ZHX3: variants seen among roughly 807,000 people sequenced by gnomAD.
ZHX3 encodes zinc fingers and homeoboxes 3.
A neutral mutation model predicts 64.5 loss-of-function variants in ZHX3; 20 were observed. The ratio of observed to expected loss-of-function variants is 0.31; its 90% CI spans 0.22 to 0.45. ZHX3 has a LOEUF of 0.45. ZHX3 is among the 20% of genes least tolerant of loss of function. The probability of loss-of-function intolerance (pLI) is 1.00; values close to 1 mark genes in which losing one functional copy is unlikely to be tolerated. For missense variants in ZHX3, 1,041 were observed against 1,195.8 expected, an observed-to-expected ratio of 0.87 and a Z score of 1.91; for synonymous variants, 423 against 461.6, an observed-to-expected ratio of 0.92 and a Z score of 1.07.
At chr20:41,237,569 C>A (rs2041095173) in intron 2 of ZHX3, among the ~76,000 whole-genome samples, 1 of 152,120 alleles carries the variant, frequency 6.6e-6, no homozygotes, top group Admixed American at 6.5e-5. Context: ...ACAATGAGAA[C>A]ACACAGACAC....
At chr20:41,188,644 A>T in intron 3 of ZHX3, 1 of 152,138 alleles carries the variant, frequency 6.6e-6, no homozygotes. Context: ...CAAGTGATCC[A>T]CCTACCTCGG....
At position 41,204,336 on chromosome 20, in the gene ZHX3, G is replaced by A; in HGVS notation, c.581C>T (p.Ala194Val). The A allele has an allele frequency of 6.2e-7, 1 of 1,614,198 alleles. No individual in the cohort carries two copies. Among genetic ancestry groups the A allele is most frequent in the South Asian group, 1.1e-5 (1 of 91,084 alleles). Reference protein sequence around the residue: ...TPIMKIMKGKAEAKKIHTLKE... With the variant: ...TPIMKIMKGKVEAKKIHTLKE... ...GAGTGTATGAATTTTTTTGGCTTCA[G>A]CTTTGCCTTTCATTATCTTCATGAT... The change falls in exon 3 of 4, where the codon GCT becomes GTT. Residue 194 changes from alanine (A) to valine (V), a missense_variant. This residue lies in a region of ZHX3 where 358 missense variants were observed against 369.1 expected (regional missense o/e 0.97). Transcript: ENST00000683867. This position sits in a 1 kb window ranked among gnomAD's most constrained non-coding sequence, Gnocchi z 6.6.
At chr20:41,199,854 A>C (rs184985278) in intron 3 of ZHX3, among the ~76,000 whole-genome samples, 75 of 152,118 alleles carry the variant, frequency 4.9e-4, no homozygotes, top group East Asian at 4.8e-3. Context: ...GCACTCACCA[A>C]CATGCCTGGC....
chr20:41,201,264 ACTC>A lies in ZHX3; in HGVS notation c.2860+790_2860+792del, dbSNP rs2038195163. On this transcript the variant is annotated intron_variant, in intron 3 of 3. Transcript: ENST00000683867. This position sits in a 1 kb window ranked among gnomAD's most constrained non-coding sequence, Gnocchi z 5.0. Reference sequence around the variant, plus strand: ...CCCCAATCCCTTCAGCTTCTACAATACTCCGCCCTCCTGGCTCTCACCTGAGCT... The same window carrying A: ...CCCCAATCCCTTCAGCTTCTACAATACGCCCTCCTGGCTCTCACCTGAGCT... 1 of 1,289,076 alleles carries A rather than the reference ACTC, an allele frequency of 7.8e-7. No homozygotes were observed. The highest frequency in any genetic ancestry group is 1.0e-6 in the Non-Finnish European group (1 of 983,104). 79.9% of individuals were successfully genotyped at this position (1,289,076 alleles called of 1,614,324 possible). A position where few individuals can be genotyped will look rare whatever the true frequency, so the allele number is the denominator to read the frequency against.
At chr20:41,225,857 C>T (rs1001698332) in intron 2 of ZHX3, among the ~76,000 whole-genome samples, 2 of 152,130 alleles carry the variant, frequency 1.3e-5, no homozygotes, top group Non-Finnish European at 2.9e-5. Context: ...CAACAGATGC[C>T]CAGAACTTTT....
At chr20:41,266,905 T>C (rs1261678538) in intron 2 of ZHX3, among the ~76,000 whole-genome samples, 2 of 136,090 alleles carry the variant, frequency 1.5e-5, no homozygotes, top group African/African-American at 5.5e-5. Flanking sequence ...CAGACTGGAG[T>C]GCCGTCTCGG....
Position 41,228,760 on chromosome 20 carries a change from A to T in ZHX3, c.-150-23694T>A, listed in dbSNP as rs74361614. Among the ~76,000 whole-genome samples the T allele has an allele frequency of 1.8e-3, 271 of 152,276 alleles. 2 individuals are homozygous for T. The highest frequency in any genetic ancestry group is 6.2e-3 in the African/African-American group (257 of 41,558). On this transcript the variant is annotated intron_variant, in intron 2 of 3. Coordinates refer to ENST00000683867, the MANE Select transcript of ZHX3 (RefSeq NM_001384317.1). The surrounding 1 kb of genome is among the most constrained non-coding windows in gnomAD (Gnocchi z 4.6). The stretch of plus-strand genomic sequence containing the variant: ...ATACATTCAGTCCACTGCACCATAC[A>T]TCCAGATTTCCAAGCATACTTATTT...
chr20:41,226,660 T>C lies in ZHX3; in HGVS notation c.-150-21594A>G, dbSNP rs1268706864. On this transcript the variant is annotated intron_variant, in intron 2 of 3. Coordinates refer to ENST00000683867, the MANE Select transcript of ZHX3 (RefSeq NM_001384317.1). This position sits in a 1 kb window ranked among gnomAD's most constrained non-coding sequence, Gnocchi z 4.4. ...CTTTTTTGATCCTGTCATCAAATTA[T>C]CTTCCTCTCAAGCTCACTCCCTAGT... Among the ~76,000 whole-genome samples, 1 of 152,230 alleles carries C rather than the reference T, an allele frequency of 6.6e-6. No homozygotes were observed. The highest frequency in any genetic ancestry group is 2.4e-5 in the African/African-American group (1 of 41,454).
intron 1 of ZHX3, among the ~76,000 whole-genome samples, chr20:41,313,678 G>A (rs1027285975): frequency 1.4e-5 from 2 of 140,716 alleles, no homozygotes; most frequent in South Asian, 2.3e-4. Context: ...GCTCACTGCA[G>A]GCTCCGCCTC....
At position 41,195,707 on chromosome 20, in the gene ZHX3, C is replaced by T. The variant is rs180899058; in HGVS notation, c.2860+6350G>A. Reference sequence around the variant, plus strand: ...TGGGGATTACAGGCATAAGCCACTGCGCCCAGCGTAAGTTCTCTTTTAATG... The same window carrying T: ...TGGGGATTACAGGCATAAGCCACTGTGCCCAGCGTAAGTTCTCTTTTAATG... On this transcript the variant is annotated intron_variant, in intron 3 of 3. Coordinates refer to ENST00000683867, the MANE Select transcript of ZHX3 (RefSeq NM_001384317.1). The surrounding 1 kb of genome is among the most constrained non-coding windows in gnomAD (Gnocchi z 4.2). Among the ~76,000 whole-genome samples, 369 of 152,348 alleles carry T rather than the reference C, an allele frequency of 2.4e-3. 7 individuals are homozygous for T. Among genetic ancestry groups the T allele is most frequent in the Admixed American group, 0.02 (313 of 15,298 alleles).
At chr20:41,248,688 C>G (rs2041836833) in intron 2 of ZHX3, among the ~76,000 whole-genome samples, 1 of 152,216 alleles carries the variant, frequency 6.6e-6, no homozygotes, top group African/African-American at 2.4e-5. Context: ...AAACCTCATT[C>G]TTTTATAAAG....
intron 1 of ZHX3, among the ~76,000 whole-genome samples, chr20:41,281,925 GC>G: frequency 6.6e-6 from 1 of 152,338 alleles, no homozygotes; most frequent in Middle Eastern, 3.4e-3. Flanking sequence ...GAAGGCTATT[GC>G]AGAAGTCCTG....
chr20:41,184,644 A>C lies in ZHX3; in HGVS notation c.*547T>G. On this transcript the variant is annotated 3_prime_UTR_variant, in exon 4 of 4. Transcript: ENST00000683867. ...TTCAAAGGTACTGCTTCCTTGAGGA[A>C]CACAAAGGGGGCACAAAGGGGTTCC... 1 of 459,602 alleles carries C rather than the reference A, an allele frequency of 2.2e-6. No individual in the cohort carries two copies. The allele number at this position is 459,602 out of a possible 1,614,324, so 28.5% of individuals were successfully genotyped here.
intron 1 of ZHX3, among the ~76,000 whole-genome samples, chr20:41,316,443 G>A (rs1025287281): frequency 1.3e-5 from 2 of 152,100 alleles, no homozygotes; most frequent in African/African-American, 4.8e-5. Flanking sequence ...TCTTAGTTTT[G>A]AAATATTGCA....
rs770870173 is a variant in ZHX3 at position 41,204,479 on chromosome 20, G to A, written c.438C>T (p.Asp146=). The A allele has an allele frequency of 9.3e-6, 15 of 1,614,082 alleles. No individual in the cohort carries two copies. The East Asian group carries it at 2.0e-4, about 22-fold the overall frequency. ...TGCTCTGCTCCACAACCACATGATT[G>A]TCTGGCTTGGCCACGTTCCACACAA... The part of the protein sequence containing the change: ...ASFVWNVAKP[D]NHVVVEQSIP... The change falls in exon 3 of 4, where the codon GAC becomes GAT. Residue 146 remains aspartate (D), a synonymous_variant. Transcript: ENST00000683867. The surrounding 1 kb of genome is among the most constrained non-coding windows in gnomAD (Gnocchi z 6.6).
intron 2 of ZHX3, among the ~76,000 whole-genome samples, chr20:41,267,010 A>AT (rs909904901): frequency 4.7e-5 from 7 of 150,494 alleles, no homozygotes; most frequent in Admixed American, 2.0e-4. Flanking sequence ...ATGCCTGATA[A>AT]TTTTTTTTGG....
chr20:41,302,803 A>C lies in ZHX3; in HGVS notation c.-245+14706T>G, dbSNP rs564307921. 1.4e-4 allele frequency among the ~76,000 whole-genome samples: 22 copies of C among 152,326 alleles called. No individual in the cohort carries two copies. The South Asian group carries it at 4.6e-3, about 32-fold the overall frequency. ...AGCATCATTAGTCTGGGCCCCCTCC[A>C]TCCCCACAGGTGACTGGATTTTAAA... On this transcript the variant is annotated intron_variant, in intron 1 of 3. Transcript: ENST00000683867.
At chr20:41,313,818 G>A (rs1034721860) in intron 1 of ZHX3, among the ~76,000 whole-genome samples, 7 of 152,032 alleles carry the variant, frequency 4.6e-5, no homozygotes, top group South Asian at 2.1e-4. Context: ...GGATGGTCTC[G>A]ATCTCCTGAC....
In ZHX3 at chr20:41,184,166, G is replaced by A. The variant is rs2036345053; in HGVS notation, c.*1025C>T. The stretch of plus-strand genomic sequence containing the variant: ...CCTCCAGCCTTCACCCTTACTAATG[G>A]GCCAGTGTGTTATTCCTTCCCAAAC... On this transcript the variant is annotated 3_prime_UTR_variant, in exon 4 of 4. Transcript: ENST00000683867. 1 of 152,144 alleles carries A rather than the reference G, an allele frequency of 6.6e-6. No homozygotes were observed. The highest frequency in any genetic ancestry group is 2.1e-4 in the South Asian group (1 of 4,828). The allele number at this position is 152,144 out of a possible 1,614,324, so 9.4% of individuals were successfully genotyped here. A position where few individuals can be genotyped will look rare whatever the true frequency, so the allele number is the denominator to read the frequency against.
Sources: gnomAD v4.1 joint callset for allele counts (sites outside exome capture counted in the v4.1 genomes callset) on GRCh38, gnomAD v4.1.1 for gene constraint, gnomAD v4.1.1 regional missense constraint, Gnocchi (gnomAD v3.1) non-coding constraint, MANE v1.5 for transcripts, NCBI Gene and HGNC (gene_info 2026-07-23, HGNC 2026-07-21) for gene names.